Variants in CLDN14 observed in about 807,000 individuals in gnomAD.
CLDN14 encodes claudin 14.
A neutral mutation model predicts 2.1 loss-of-function variants in CLDN14; 2 were observed. The observed-to-expected ratio is 0.96, with a 90% CI of 0.39 to 3.01. The LOEUF is 3.01. CLDN14 is among the 30% of genes most tolerant of loss of function. CLDN14 has a pLI of 0.09. For missense variants in CLDN14, 298 were observed against 328.0 expected (o/e 0.91, Z 0.71); for synonymous variants, 136 against 154.4 (o/e 0.88, Z 0.88).
chr21:36,460,738 TA>T lies in CLDN14; in HGVS notation c.*237del. ...ATCAAATCACCCACATAAATATATA[TA>T]ATAAATACAAAAACAGACAGGATTT... On this transcript the variant is annotated 3_prime_UTR_variant, in exon 2 of 2. Transcript: ENST00000399135. This position sits in a 1 kb window ranked among gnomAD's most constrained non-coding sequence, Gnocchi z 4.0. 1 of 520,418 alleles carries T rather than the reference TA, an allele frequency of 1.9e-6. No homozygotes were observed. Among genetic ancestry groups the T allele is most frequent in the African/African-American group, 1.9e-5 (1 of 52,730 alleles). 32.2% of individuals were successfully genotyped at this position (520,418 alleles called of 1,614,324 possible).
intron 1 of CLDN14, among the ~76,000 whole-genome samples, chr21:36,575,837 C>T (rs978734266): frequency 3.3e-5 from 5 of 152,168 alleles, no homozygotes; most frequent in African/African-American, 1.2e-4. Flanking sequence ...AGAGCATCAC[C>T]CGCCTTCCAG....
Position 36,492,234 on chromosome 21 carries a change from A to G in CLDN14, c.-82+18129T>C, listed in dbSNP as rs377209469. Among the ~76,000 whole-genome samples the G allele has an allele frequency of 4.1e-3, 526 of 127,908 alleles. 59 individuals are homozygous for G. Among genetic ancestry groups the G allele is most frequent in the African/African-American group, 0.017 (498 of 28,726 alleles). 83.9% of individuals were successfully genotyped at this position (127,908 alleles called of 152,430 possible). A position where few individuals can be genotyped will look rare whatever the true frequency, so the allele number is the denominator to read the frequency against. Reference sequence around the variant, plus strand: ...TGGATCATGAGGTCAGGAGATCGAGACCATCCTGGCTAACAAGGTGAAACC... The same window carrying G: ...TGGATCATGAGGTCAGGAGATCGAGGCCATCCTGGCTAACAAGGTGAAACC... On this transcript the variant is annotated intron_variant, in intron 2 of 2. Coordinates refer to the CLDN14 transcript ENST00000342108.
chr21:36,555,334 C>G (rs545248713), intron 1 of CLDN14, among the ~76,000 whole-genome samples: 9 of 152,332 alleles, frequency 5.9e-5, no homozygotes, highest in African/African-American at 2.2e-4. Context: ...GTCTGGGTGA[C>G]CCGTACTCAG....
rs1251405491 is a variant in CLDN14 at position 36,460,751 on chromosome 21, AACAG to A, written c.*221_*224del. ...CATAAATATATATAATAAATACAAA[AACAG>A]ACAGGATTTTTTTTTTCAGTCTTTG... On this transcript the variant is annotated 3_prime_UTR_variant, in exon 2 of 2. Coordinates refer to ENST00000399135, the MANE Select transcript of CLDN14 (RefSeq NM_001146079.2). The surrounding 1 kb of genome is among the most constrained non-coding windows in gnomAD (Gnocchi z 4.0). The A allele has an allele frequency of 1.3e-5, 7 of 553,556 alleles. No individual in the cohort carries two copies. Among genetic ancestry groups the A allele is most frequent in the African/African-American group, 3.8e-5 (2 of 53,182 alleles). 34.3% of individuals were successfully genotyped at this position (553,556 alleles called of 1,614,324 possible).
At chr21:36,536,284 G>A (rs1323632424) in intron 1 of CLDN14, among the ~76,000 whole-genome samples, 6 of 152,230 alleles carry the variant, frequency 3.9e-5, no homozygotes, top group Non-Finnish European at 8.8e-5. Flanking sequence ...GTAGGGGACT[G>A]AGGACAAGAG....
At position 36,551,361 on chromosome 21, in the gene CLDN14, C is replaced by T. The variant is rs997036635; in HGVS notation, c.-220+25050G>A. ...ATTTATTCCTGGAGCCTCTGCCTCCCGTAAGCTGGCGGGCAGACCCAGTCC... is the reference window on the plus strand; with the variant it reads ...ATTTATTCCTGGAGCCTCTGCCTCCTGTAAGCTGGCGGGCAGACCCAGTCC... On this transcript the variant is annotated intron_variant, in intron 1 of 2. Transcript: ENST00000342108. The surrounding 1 kb of genome is among the most constrained non-coding windows in gnomAD (Gnocchi z 4.8). Among the ~76,000 whole-genome samples the T allele has an allele frequency of 2.0e-5, 3 of 152,210 alleles. No homozygotes were observed. Among genetic ancestry groups the T allele is most frequent in the South Asian group, 2.1e-4 (1 of 4,830 alleles).
intron 1 of CLDN14, among the ~76,000 whole-genome samples, chr21:36,471,664 G>A (rs1030455478): frequency 4.6e-5 from 7 of 152,192 alleles, no homozygotes; most frequent in Non-Finnish European, 8.8e-5. Context: ...ACTAGGCTCC[G>A]CCTTTAGTCA....
intron 1 of CLDN14, among the ~76,000 whole-genome samples, chr21:36,558,256 T>C (rs1361717330): frequency 6.6e-6 from 1 of 152,226 alleles, no homozygotes; most frequent in Non-Finnish European, 1.5e-5. Context: ...AAGATTGTTT[T>C]GGTAATTTGG....
At chr21:36,519,965 C>A (rs945274029) in intron 1 of CLDN14, among the ~76,000 whole-genome samples, 1 of 152,136 alleles carries the variant, frequency 6.6e-6, no homozygotes, top group Non-Finnish European at 1.5e-5. Context: ...GGCCCTGCAA[C>A]AAATGACCAC....
chr21:36,576,395 T>A (rs1454392288), intron 1 of CLDN14: 1 of 152,306 alleles, frequency 6.6e-6, no homozygotes, highest in African/African-American at 2.4e-5. Context: ...ATTTACAAGT[T>A]GTGAGTGCCA....
intron 1 of CLDN14, among the ~76,000 whole-genome samples, chr21:36,518,075 T>TACACACACACACACACACACACAC (rs3030072): frequency 1.3e-5 from 2 of 148,444 alleles, no homozygotes; most frequent in African/African-American, 5.0e-5. Context: ...CTTACATACG[T>TACACACACACACACACACACACAC]ACACACACAC....
intron 1 of CLDN14, among the ~76,000 whole-genome samples, chr21:36,566,974 G>A (rs2087677684): frequency 6.6e-6 from 1 of 152,228 alleles, no homozygotes; most frequent in African/African-American, 2.4e-5. Context: ...GCTCCTGGGA[G>A]TGTCAAGTTT....
intron 1 of CLDN14, chr21:36,526,359 A>T (rs991358344): frequency 1.3e-5 from 2 of 152,032 alleles, no homozygotes; most frequent in Non-Finnish European, 2.9e-5. Context: ...AGCGCTCAAC[A>T]CTCCCATCCT....
At chr21:36,532,463 G>T (rs1411498849) in intron 1 of CLDN14, 3 of 151,990 alleles carry the variant, frequency 2.0e-5, no homozygotes, top group Non-Finnish European at 4.4e-5. Context: ...GGGGGAGTGG[G>T]GAGGGATAGC....
intron 1 of CLDN14, chr21:36,526,169 C>T (rs1013455872): frequency 6.6e-5 from 10 of 152,128 alleles, no homozygotes; most frequent in South Asian, 2.1e-4. Flanking sequence ...AAGGGTCAGA[C>T]GGTAAATATT....
At position 36,461,054 on chromosome 21, in the gene CLDN14, TGG is replaced by T. The variant is rs921362733; in HGVS notation, c.640_641del (p.Pro214SerfsTer67). 1 of 1,613,896 alleles carries T rather than the reference TGG, an allele frequency of 6.2e-7. No homozygotes were observed. The highest frequency in any genetic ancestry group is 1.3e-5 in the African/African-American group (1 of 74,920). ...TANTAPAYQP[P>X]AAYKDNRAPS... ...GGGCCCGATTGTCTTTGTAGGCAGC[TGG>T]TGGCTGGTAGGCAGGTGCGGTGTTT... On this transcript the variant is annotated frameshift_variant, in exon 2 of 2. Coordinates refer to ENST00000399135, the MANE Select transcript of CLDN14 (RefSeq NM_001146079.2). LOFTEE classifies it high-confidence loss of function.
intron 1 of CLDN14, among the ~76,000 whole-genome samples, chr21:36,468,972 T>C (rs2086679204): frequency 6.6e-6 from 1 of 151,908 alleles, no homozygotes; most frequent in Non-Finnish European, 1.5e-5. Context: ...GTTGGCCAGG[T>C]TGGTCTTGAA....
intron 1 of CLDN14, among the ~76,000 whole-genome samples, chr21:36,556,002 A>G (rs531521199): frequency 6.6e-6 from 1 of 152,184 alleles, no homozygotes; most frequent in African/African-American, 2.4e-5. Flanking sequence ...TTTATCCCCA[A>G]AGATATCACT....
intron 1 of CLDN14, among the ~76,000 whole-genome samples, chr21:36,520,983 T>G (rs2087265185): frequency 6.6e-6 from 1 of 152,116 alleles, no homozygotes; most frequent in Non-Finnish European, 1.5e-5. Context: ...AGCAACTGCT[T>G]GCTTCAATTT....
Sources: gnomAD v4.1 joint callset for allele counts (sites outside exome capture counted in the v4.1 genomes callset) on GRCh38, gnomAD v4.1.1 for gene constraint, Gnocchi (gnomAD v3.1) non-coding constraint, MANE v1.5 for transcripts, NCBI Gene and HGNC (gene_info 2026-07-23, HGNC 2026-07-21) for gene names.